Variants in CDK19 observed in about 807,000 individuals in gnomAD.
CDK19 encodes cyclin-dependent kinase 19.
CDK19 carries 20 observed loss-of-function variants against 68.3 expected under a neutral mutation model. That is an observed-to-expected ratio of 0.29 (90% confidence interval 0.21 to 0.43). The LOEUF (loss-of-function observed/expected upper bound fraction) is 0.43. Among genes scored for constraint, CDK19 ranks in the 20% least tolerant of loss-of-function variants. The probability of loss-of-function intolerance (pLI) is 1.00; values close to 1 mark genes in which losing one functional copy is unlikely to be tolerated. For missense variants in CDK19, 339 were observed against 623.5 expected (o/e 0.54, Z 4.86); for synonymous variants, 221 against 222.8 (o/e 0.99, Z 0.07).
At position 110,664,826 on chromosome 6, in the gene CDK19, A is replaced by T. The variant is rs577965852; in HGVS notation, c.456+2608T>A. 1.1e-4 allele frequency among the ~76,000 whole-genome samples: 17 copies of T among 152,304 alleles called. 1 individual carries two copies. In the South Asian group the frequency reaches 3.3e-3, roughly 30 times the overall value. The stretch of plus-strand genomic sequence containing the variant: ...AAGAAGAGATTGGTTCCAAGTAGAC[A>T]TGGATATGAGGGTAAGTTTTAATTA... On this transcript the variant is annotated intron_variant, in intron 4 of 12. Transcript: ENST00000368911.
At chr6:110,729,735 C>T (rs2114789191) in intron 2 of CDK19, among the ~76,000 whole-genome samples, 1 of 151,438 alleles carries the variant, frequency 6.6e-6, no homozygotes, top group South Asian at 2.1e-4. Flanking sequence ...CACGCCTAGA[C>T]TTTATTTTTA....
intron 1 of CDK19, among the ~76,000 whole-genome samples, chr6:110,767,758 T>C (rs908464649): frequency 6.6e-6 from 1 of 152,146 alleles, no homozygotes; most frequent in African/African-American, 2.4e-5. Context: ...ATTGTATACA[T>C]GTACTGGAGT....
intron 1 of CDK19, among the ~76,000 whole-genome samples, chr6:110,759,428 A>ATATATATATATATAT (rs1554219514): frequency 3.9e-5 from 2 of 50,902 alleles, no homozygotes; most frequent in African/African-American, 1.7e-4. Flanking sequence ...AAAAAAAAAA[A>ATATATATATATATAT]ATATATATAT....
intron 4 of CDK19, chr6:110,646,408 C>T: frequency 6.7e-7 from 1 of 1,483,902 alleles, no homozygotes; most frequent in Non-Finnish European, 8.9e-7. Context: ...TGCTGGCGGG[C>T]GGCGACATGG....
chr6:110,759,426 A>T (rs866164344), intron 1 of CDK19, among the ~76,000 whole-genome samples: 7,318 of 88,958 alleles, frequency 0.082, 245 homozygotes, highest in African/African-American at 0.15. Flanking sequence ...AAAAAAAAAA[A>T]AAATATATAT....
chr6:110,814,779 C>G (rs1783462412), intron 1 of CDK19: 2 of 671,356 alleles, frequency 3.0e-6, no homozygotes, highest in Non-Finnish European at 5.4e-6. Context: ...GGGACGGGAC[C>G]GACGCCTCGG....
intron 2 of CDK19, among the ~76,000 whole-genome samples, chr6:110,708,827 A>G (rs1774722057): frequency 6.6e-6 from 1 of 152,246 alleles, no homozygotes; most frequent in Admixed American, 6.5e-5. Flanking sequence ...TAAAGCTTAT[A>G]GGCATTTCAA....
chr6:110,634,025 T>C (rs1320504369), intron 5 of CDK19, among the ~76,000 whole-genome samples: 1 of 152,174 alleles, frequency 6.6e-6, no homozygotes, highest in Non-Finnish European at 1.5e-5. Context: ...ATAATATACA[T>C]AACAAATGTT....
chr6:110,725,177 C>T lies in CDK19; in HGVS notation c.204+20949G>A, dbSNP rs1776232622. ...TAGTTTCAAAGGATATCTTATGGCT[C>T]TGTAGCTTTCAAAAACCACAGCAAC... On this transcript the variant is annotated intron_variant, in intron 2 of 12. Coordinates refer to ENST00000368911, the MANE Select transcript of CDK19 (RefSeq NM_015076.5). 2.6e-5 allele frequency among the ~76,000 whole-genome samples: 4 copies of T among 152,108 alleles called. No individual in the cohort carries two copies. In the South Asian group the frequency reaches 6.2e-4, roughly 24 times the overall value.
intron 10 of CDK19, 140 bp downstream of exon 10, chr6:110,622,675 G>T: frequency 1.6e-6 from 1 of 614,060 alleles, no homozygotes. Flanking sequence ...TTCAAAATGT[G>T]GAAGCTTGCT....
chr6:110,808,389 G>T (rs900102256), intron 1 of CDK19, among the ~76,000 whole-genome samples: 4 of 152,122 alleles, frequency 2.6e-5, no homozygotes, highest in Non-Finnish European at 5.9e-5. Flanking sequence ...TCAGCCAACT[G>T]CTTATTTGTA....
chr6:110,713,638 C>T (rs1244009824), intron 2 of CDK19, among the ~76,000 whole-genome samples: 1 of 151,986 alleles, frequency 6.6e-6, no homozygotes, highest in Non-Finnish European at 1.5e-5. Flanking sequence ...CCAAACATAA[C>T]GTTTTGTAAT....
chr6:110,655,681 A>G (rs1404524563), intron 4 of CDK19, among the ~76,000 whole-genome samples: 1 of 149,650 alleles, frequency 6.7e-6, no homozygotes, highest in Non-Finnish European at 1.5e-5. Context: ...TTTGTCAACT[A>G]TCTCCCCTCC....
At position 110,789,086 on chromosome 6, in the gene CDK19, A is replaced by G. The variant is rs189557004; in HGVS notation, c.128+25923T>C. ...CATAGCATTTTAAGCGTGTATCTGCAACACTTGAGCTCACAGCAATAGCAA... is the reference window on the plus strand; with the variant it reads ...CATAGCATTTTAAGCGTGTATCTGCGACACTTGAGCTCACAGCAATAGCAA... On this transcript the variant is annotated intron_variant, in intron 1 of 12. Coordinates refer to ENST00000368911, the MANE Select transcript of CDK19 (RefSeq NM_015076.5). Among the ~76,000 whole-genome samples, 320 of 152,322 alleles carry G rather than the reference A, an allele frequency of 2.1e-3. 1 individual carries two copies. The highest frequency in any genetic ancestry group is 4.0e-3 in the Non-Finnish European group (269 of 68,028).
At chr6:110,778,474 G>A (rs899443434) in intron 1 of CDK19, among the ~76,000 whole-genome samples, 11 of 152,148 alleles carry the variant, frequency 7.2e-5, no homozygotes, top group Non-Finnish European at 2.9e-5. Flanking sequence ...AATAACCACT[G>A]GAGTCCTCTA....
chr6:110,689,803 C>T lies in CDK19; in HGVS notation c.205-19262G>A, dbSNP rs937481334. ...ATTCTTTGCAGACATTCTGCAGCAC[C>T]AGCCTGGAGTGTGGCAGCCCCACTG... is the stretch of plus-strand genomic sequence containing the variant. On this transcript the variant is annotated intron_variant, in intron 2 of 12. Coordinates refer to ENST00000368911, the MANE Select transcript of CDK19 (RefSeq NM_015076.5). 9.2e-5 allele frequency among the ~76,000 whole-genome samples: 14 copies of T among 152,032 alleles called. 1 individual carries two copies. The highest frequency in any genetic ancestry group is 1.5e-5 in the Non-Finnish European group (1 of 67,994).
chr6:110,685,252 C>G (rs909268941), intron 2 of CDK19, among the ~76,000 whole-genome samples: 3 of 152,208 alleles, frequency 2.0e-5, no homozygotes, highest in African/African-American at 7.2e-5. Flanking sequence ...AAACCCTTAA[C>G]TAGTATATAC....
chr6:110,797,678 T>C (rs756187364), intron 1 of CDK19, among the ~76,000 whole-genome samples: 6 of 152,190 alleles, frequency 3.9e-5, no homozygotes, highest in Non-Finnish European at 8.8e-5. Context: ...AGACTTTGTA[T>C]GAACTCTAAG....
intron 2 of CDK19, among the ~76,000 whole-genome samples, chr6:110,726,395 T>C (rs929714651): frequency 6.6e-6 from 1 of 152,172 alleles, no homozygotes; most frequent in Admixed American, 6.6e-5. Context: ...TCTCTATTCA[T>C]AGTCCTAGAA....
Sources: gnomAD v4.1 joint callset for allele counts (sites outside exome capture counted in the v4.1 genomes callset) on GRCh38, gnomAD v4.1.1 for gene constraint, MANE v1.5 for transcripts, NCBI Gene and HGNC (gene_info 2026-07-23, HGNC 2026-07-21) for gene names.